Variants in FILIP1 observed in about 807,000 individuals in gnomAD.
FILIP1 encodes filamin-A-interacting protein 1.
Under a neutral mutation model 102.1 loss-of-function variants are expected in FILIP1, and 61 were observed. The ratio of observed to expected loss-of-function variants is 0.60; its 90% CI spans 0.49 to 0.74. The LOEUF is 0.74. Among genes scored for constraint, FILIP1 ranks in the 30% least tolerant of loss-of-function variants. The pLI is 0.00. For missense variants in FILIP1, 1,314 were observed against 1,441.2 expected (o/e 0.91, Z 1.43); for synonymous variants, 491 against 526.9 (o/e 0.93, Z 0.93).
At chr6:75,436,793 A>T (rs939206973) in intron 1 of FILIP1, among the ~76,000 whole-genome samples, 1 of 152,236 alleles carries the variant, frequency 6.6e-6, no homozygotes, top group Admixed American at 6.5e-5. Flanking sequence ...AAACAATGGG[A>T]AATGATGTGC....
At chr6:75,452,403 C>T (rs1228886034) in intron 1 of FILIP1, among the ~76,000 whole-genome samples, 1 of 152,066 alleles carries the variant, frequency 6.6e-6, no homozygotes, top group Non-Finnish European at 1.5e-5. Flanking sequence ...ATGATGGTTT[C>T]CAGCTTCATC....
intron 4 of FILIP1, among the ~76,000 whole-genome samples, chr6:75,342,529 GCCT>G (rs1774448218): frequency 6.6e-6 from 1 of 152,222 alleles, no homozygotes; most frequent in Non-Finnish European, 1.5e-5. Flanking sequence ...GCTCACCCAA[GCCT>G]AGTTTCCTTT....
At chr6:75,411,609 G>C (rs1450773956) in intron 2 of FILIP1, among the ~76,000 whole-genome samples, 1 of 152,056 alleles carries the variant, frequency 6.6e-6, no homozygotes, top group Non-Finnish European at 1.5e-5. Flanking sequence ...GTAAGGAAGG[G>C]GTCCAGTTTC....
intron 1 of FILIP1, among the ~76,000 whole-genome samples, chr6:75,471,757 G>A (rs565636169): frequency 1.2e-4 from 19 of 152,138 alleles, no homozygotes; most frequent in Non-Finnish European, 2.2e-4. Context: ...CTAAAATGAA[G>A]TGAACCTATG....
intron 1 of FILIP1, among the ~76,000 whole-genome samples, chr6:75,450,290 T>C (rs575651788): frequency 1.3e-5 from 2 of 152,114 alleles, no homozygotes; most frequent in African/African-American, 4.8e-5. Flanking sequence ...AACTAATTAC[T>C]GATTTCAAGA....
chr6:75,458,149 T>C (rs1778905954), intron 1 of FILIP1: 1 of 152,228 alleles, frequency 6.6e-6, no homozygotes, highest in South Asian at 2.1e-4. Context: ...GTGTCTTGTA[T>C]TTTATCTTTC....
Position 75,414,931 on chromosome 6 carries a change from C to CATATATATAT in FILIP1, c.41_42insATATATATAT (p.His15TyrfsTer18). ...TGGAGGGCTTGGGACAGGAGATATG[C>CATATATATAT]CCATCAGATGCACTTTCACCACCTT... is the stretch of plus-strand genomic sequence containing the variant. On this transcript the variant is annotated frameshift_variant, in exon 2 of 6. Transcript: ENST00000237172. LOFTEE classifies it high-confidence loss of function. 4 of 1,613,752 alleles carry CATATATATAT rather than the reference C, an allele frequency of 2.5e-6. No individual in the cohort carries two copies. Among genetic ancestry groups the CATATATATAT allele is most frequent in the Non-Finnish European group, 3.4e-6 (4 of 1,179,824 alleles).
At chr6:75,430,599 A>G (rs1332047025) in intron 1 of FILIP1, among the ~76,000 whole-genome samples, 3 of 152,198 alleles carry the variant, frequency 2.0e-5, no homozygotes, top group Admixed American at 6.5e-5. Flanking sequence ...GGTCTACAAA[A>G]CAGACATTTA....
chr6:75,488,057 A>T (rs1779843640), intron 1 of FILIP1, among the ~76,000 whole-genome samples: 1 of 152,166 alleles, frequency 6.6e-6, no homozygotes, highest in South Asian at 2.1e-4. Flanking sequence ...TTTGTATTTC[A>T]CAGGCCTCAG....
At chr6:75,323,464 A>T (rs775764958) in intron 4 of FILIP1, among the ~76,000 whole-genome samples, 26 of 152,374 alleles carry the variant, frequency 1.7e-4, no homozygotes, top group Admixed American at 3.3e-4. Context: ...CTAGCGAGTG[A>T]CTTAAAATAT....
At chr6:75,363,392 T>C (rs1020655773) in intron 2 of FILIP1, among the ~76,000 whole-genome samples, 5 of 152,246 alleles carry the variant, frequency 3.3e-5, no homozygotes, top group African/African-American at 1.2e-4. Context: ...ACAGCCTTTA[T>C]TGGTTATTTC....
At chr6:75,439,256 C>G (rs528363122) in intron 1 of FILIP1, among the ~76,000 whole-genome samples, 1 of 152,162 alleles carries the variant, frequency 6.6e-6, no homozygotes, top group East Asian at 1.9e-4. Flanking sequence ...GTCCCAGCTA[C>G]TCGGGAGGCT....
At chr6:75,391,531 T>C (rs776880096) in intron 2 of FILIP1, among the ~76,000 whole-genome samples, 2 of 152,154 alleles carry the variant, frequency 1.3e-5, no homozygotes, top group Non-Finnish European at 2.9e-5. Flanking sequence ...ATCACTTTCA[T>C]ACACCTACTG....
intron 4 of FILIP1, among the ~76,000 whole-genome samples, chr6:75,342,685 C>T (rs1045793771): frequency 2.0e-5 from 3 of 152,172 alleles, no homozygotes; most frequent in Non-Finnish European, 4.4e-5. Flanking sequence ...TCCACACAGG[C>T]ATCCTCTGAG....
chr6:75,395,463 G>C (rs1776429781), intron 2 of FILIP1, among the ~76,000 whole-genome samples: 1 of 151,980 alleles, frequency 6.6e-6, no homozygotes, highest in African/African-American at 2.4e-5. Flanking sequence ...ATTTTTAGTA[G>C]AGACAGGGTT....
intron 4 of FILIP1, among the ~76,000 whole-genome samples, chr6:75,341,349 G>A (rs1236991798): frequency 1.3e-5 from 2 of 151,260 alleles, no homozygotes; most frequent in African/African-American, 2.4e-5. Context: ...TTAAAGATGA[G>A]GTTTCACTAT....
intron 2 of FILIP1, among the ~76,000 whole-genome samples, chr6:75,375,500 C>T (rs901774329): frequency 2.0e-5 from 3 of 152,128 alleles, no homozygotes; most frequent in Non-Finnish European, 4.4e-5. Context: ...GTGTGTGGAA[C>T]ATGTGTGGGT....
chr6:75,455,710 GC>G (rs1429231136), intron 1 of FILIP1, among the ~76,000 whole-genome samples: 3 of 152,016 alleles, frequency 2.0e-5, no homozygotes, highest in Non-Finnish European at 2.9e-5. Context: ...GCTCTCCACT[GC>G]CCACCAGAAA....
intron 1 of FILIP1, among the ~76,000 whole-genome samples, chr6:75,429,085 G>A (rs1046207148): frequency 6.7e-6 from 1 of 149,530 alleles, no homozygotes; most frequent in Non-Finnish European, 1.5e-5. Context: ...TTTTGTTATT[G>A]CAGAGAAATT....
Sources: allele counts gnomAD v4.1 joint callset (sites outside exome capture counted in the v4.1 genomes callset), GRCh38; gene constraint gnomAD v4.1.1; transcripts MANE v1.5; gene names NCBI Gene and HGNC (gene_info 2026-07-23, HGNC 2026-07-21).